The following TMPRSS11F variants were observed in gnomAD, a reference collection of about 807,000 sequenced individuals.
TMPRSS11F encodes transmembrane protease serine 11F.
A neutral mutation model predicts 60.2 loss-of-function variants in TMPRSS11F; 47 were observed. The observed-to-expected ratio is 0.78, with a 90% CI of 0.62 to 1.00. TMPRSS11F has a LOEUF of 1.00. TMPRSS11F is among the 50% of genes least tolerant of loss of function. The pLI is 0.00. For synonymous variants in TMPRSS11F, 166 were observed against 167.3 expected (o/e 0.99, Z 0.06); for missense variants, 519 against 522.9 (o/e 0.99, Z 0.07).
In TMPRSS11F at chr4:68,072,344, T is replaced by C. The variant is rs1365128778; in HGVS notation, c.493A>G (p.Lys165Glu). ...KTKQLSLTIN[K>E]PSFRLTPIDS... ...TTACGTGTGAGTCTAAATGATGGTT[T>C]GTTTATGGTCAAAGACAATTGTTTG... Residue 165 changes from lysine (K) to glutamate (E), a missense_variant, in exon 5 of 10, where the codon AAA becomes GAA. Coordinates refer to ENST00000356291, the MANE Select transcript of TMPRSS11F (RefSeq NM_207407.2). The C allele has an allele frequency of 6.3e-7, 1 of 1,583,700 alleles. No homozygotes were observed. Among genetic ancestry groups the C allele is most frequent in the Non-Finnish European group, 8.6e-7 (1 of 1,163,686 alleles).
At chr4:68,112,440 T>C (rs984765541) in intron 1 of TMPRSS11F, among the ~76,000 whole-genome samples, 2 of 152,204 alleles carry the variant, frequency 1.3e-5, no homozygotes, top group East Asian at 3.8e-4. Flanking sequence ...AATATTTTTA[T>C]GTTATTTGTT....
intron 3 of TMPRSS11F, among the ~76,000 whole-genome samples, chr4:68,077,810 C>A (rs1560398729): frequency 6.6e-6 from 1 of 152,202 alleles, no homozygotes. Flanking sequence ...TAAGAAAGAT[C>A]ATCAACTGTG....
At chr4:68,105,230 G>T (rs1239319951) in intron 1 of TMPRSS11F, among the ~76,000 whole-genome samples, 3 of 151,522 alleles carry the variant, frequency 2.0e-5, no homozygotes, top group African/African-American at 7.3e-5. Flanking sequence ...AATTGTGTTT[G>T]TTATTTAGTT....
At chr4:68,117,467 CAAAAAAAAAAAAA>C (rs55708045) in intron 1 of TMPRSS11F, among the ~76,000 whole-genome samples, 1 of 51,394 alleles carries the variant, frequency 1.9e-5, no homozygotes, top group Admixed American at 3.1e-4. Flanking sequence ...GACTCTGTCT[CAAAAAAAAAAAAA>C]AAAAAAAAAA....
Position 68,072,461 on chromosome 4 carries a change from G to T in TMPRSS11F, c.376C>A (p.Leu126Ile). 6.3e-7 allele frequency: 1 copy of T among 1,576,280 alleles called. No homozygotes were observed. The highest frequency in any genetic ancestry group is 8.6e-7 in the Non-Finnish European group (1 of 1,158,816). Residue 126 changes from leucine to isoleucine, a missense_variant, in exon 5 of 10, where the codon CTT becomes ATT. Leu to Ile is a conservative substitution (Grantham distance 5). Coordinates refer to ENST00000356291, the MANE Select transcript of TMPRSS11F (RefSeq NM_207407.2). Reference protein sequence around the residue: ...LSPDEQGVDILIVLIFRYPST... With the variant: ...LSPDEQGVDIIIVLIFRYPST... ...GGGTATCGAAATATGAGCACTATAA[G>T]AATATCCACACCTTGTTCATCTGGA...
chr4:68,057,617 G>A (rs185839328), intron 9 of TMPRSS11F, among the ~76,000 whole-genome samples: 1 of 152,008 alleles, frequency 6.6e-6, no homozygotes, highest in African/African-American at 2.4e-5. Flanking sequence ...TATTTGATAA[G>A]GGCTTATATC....
intron 9 of TMPRSS11F, among the ~76,000 whole-genome samples, chr4:68,057,738 C>A (rs28802126): frequency 0.68 from 103,005 of 151,994 alleles, 36,747 homozygotes; most frequent in East Asian, 0.88. Context: ...ATACAAATGA[C>A]CATCACATTC....
intron 2 of TMPRSS11F, among the ~76,000 whole-genome samples, chr4:68,093,978 G>A (rs1724011507): frequency 9.1e-6 from 1 of 109,728 alleles, no homozygotes. Context: ...AACCATTGTG[G>A]AAGTCAGTGT....
Position 68,072,401 on chromosome 4 carries a change from T to A in TMPRSS11F, c.436A>T (p.Ile146Phe), listed in dbSNP as rs1386722055. ...AAACTTTGATATAAAGCCTTTTCAA[T>A]TTTTTTCTTGATTTGTTCAGCACTA... ...TDSAEQIKKK[I>F]EKALYQSLKT... Residue 146 changes from isoleucine (I) to phenylalanine (F), a missense_variant, in exon 5 of 10, where the codon ATT becomes TTT. By Grantham distance (21) the Ile-to-Phe change is conservative. Coordinates refer to ENST00000356291, the MANE Select transcript of TMPRSS11F (RefSeq NM_207407.2). 6.2e-7 allele frequency: 1 copy of A among 1,600,480 alleles called. No homozygotes were observed. The highest frequency in any genetic ancestry group is 1.7e-5 in the Admixed American group (1 of 59,580).
intron 8 of TMPRSS11F, chr4:68,063,396 G>A (rs1255384149): frequency 1.3e-5 from 5 of 379,862 alleles, no homozygotes; most frequent in Non-Finnish European, 2.5e-5. Context: ...TGTTTGTTTT[G>A]AGATGGAGTC....
At position 68,068,629 on chromosome 4, in the gene TMPRSS11F, G is replaced by C; in HGVS notation, c.744C>G (p.His248Gln). Residue 248 changes from histidine (H) to glutamine (Q), a missense_variant, in exon 7 of 10, where the codon CAC becomes CAG. Coordinates refer to ENST00000356291, the MANE Select transcript of TMPRSS11F (RefSeq NM_207407.2). ...ISNTWLLTAA[H>Q]CFWKNKDPTQ... The stretch of plus-strand genomic sequence containing the variant: ...CTTGGTTAACTTACTTCCAAAAGCA[G>C]TGAGCTGCTGTGAGCAGCCATGTGT... 6.2e-7 allele frequency: 1 copy of C among 1,613,942 alleles called. No homozygotes were observed. Among genetic ancestry groups the C allele is most frequent in the African/African-American group, 1.3e-5 (1 of 75,052 alleles).
At chr4:68,065,829 A>G (rs553070388) in intron 7 of TMPRSS11F, among the ~76,000 whole-genome samples, 8 of 151,974 alleles carry the variant, frequency 5.3e-5, no homozygotes, top group African/African-American at 1.9e-4. Context: ...AAAAATGAGC[A>G]GGCAGAGGCC....
intron 3 of TMPRSS11F, among the ~76,000 whole-genome samples, chr4:68,075,549 A>G (rs1723565546): frequency 6.6e-6 from 1 of 152,028 alleles, no homozygotes; most frequent in African/African-American, 2.4e-5. Context: ...AAAAGCTTGT[A>G]TGGCAATATC....
chr4:68,068,950 C>T, intron 6 of TMPRSS11F, 131 bp from the exon 7 acceptor site: 1 of 882,540 alleles, frequency 1.1e-6, no homozygotes, highest in Non-Finnish European at 1.8e-6. Flanking sequence ...AGCCTTTGAG[C>T]TTATTTGATA....
At chr4:68,066,137 C>G (rs1284182046) in intron 7 of TMPRSS11F, among the ~76,000 whole-genome samples, 1 of 111,902 alleles carries the variant, frequency 8.9e-6, no homozygotes, top group African/African-American at 3.3e-5. Flanking sequence ...AAAAAAAGAG[C>G]AGGGAGATGG....
intron 1 of TMPRSS11F, among the ~76,000 whole-genome samples, chr4:68,102,087 T>C (rs1278126169): frequency 3.9e-5 from 6 of 152,188 alleles, no homozygotes; most frequent in Non-Finnish European, 7.4e-5. Flanking sequence ...TTTTTCTCTC[T>C]GTTTCTGGCT....
chr4:68,086,296 A>C (rs1274321625), intron 3 of TMPRSS11F, among the ~76,000 whole-genome samples: 1 of 149,722 alleles, frequency 6.7e-6, no homozygotes, highest in African/African-American at 2.5e-5. Flanking sequence ...AACAAATTTA[A>C]GGCAAAAATC....
intron 6 of TMPRSS11F, 142 bp downstream of exon 6, chr4:68,069,827 A>G (rs552010003): frequency 1.9e-6 from 1 of 535,304 alleles, no homozygotes; most frequent in Non-Finnish European, 3.2e-6. Context: ...GCTAAAAATA[A>G]TAAAAAGACT....
rs764463721 is a variant in TMPRSS11F at position 68,059,478 on chromosome 4, A to T, written c.1016-10T>A. 4 of 1,608,078 alleles carry T rather than the reference A, an allele frequency of 2.5e-6. No individual in the cohort carries two copies. The highest frequency in any genetic ancestry group is 3.4e-6 in the Non-Finnish European group (4 of 1,177,060). On this transcript the variant is annotated splice_polypyrimidine_tract_variant and intron_variant, in intron 8 of 9. Coordinates refer to ENST00000356291, the MANE Select transcript of TMPRSS11F (RefSeq NM_207407.2). ...GTATTTTGTATAGGTCCTATTGCAC[A>T]AATGGATAAAAAAACAAATAAACAG...
Sources: allele counts gnomAD v4.1 joint callset (sites outside exome capture counted in the v4.1 genomes callset), GRCh38; gene constraint gnomAD v4.1.1; transcripts MANE v1.5; gene names NCBI Gene and HGNC (gene_info 2026-07-23, HGNC 2026-07-21).